Variants in ELAVL3 observed in about 807,000 individuals in gnomAD.
ELAVL3 encodes the protein ELAV like RNA binding protein 3, also known as ELAV-like protein 3.
In ELAVL3, 8 loss-of-function variants were observed where a neutral mutation model predicts 34.2. That is an observed-to-expected ratio of 0.23 (90% CI 0.14 to 0.42). The LOEUF (loss-of-function observed/expected upper bound fraction) is 0.42. Ranked by LOEUF, ELAVL3 falls within the 10% of genes least tolerant of loss-of-function variation. The pLI, the probability that ELAVL3 is intolerant of heterozygous loss-of-function variation, is 1.00. For synonymous variants in ELAVL3, 209 were observed against 222.1 expected (o/e 0.94, Z 0.53); for missense variants, 273 against 518.8 (o/e 0.53, Z 4.60).
intron 3 of ELAVL3, among the ~76,000 whole-genome samples, chr19:11,464,215 T>A (rs978837557): frequency 6.7e-5 from 5 of 74,948 alleles, no homozygotes; most frequent in African/African-American, 2.9e-4. Context: ...GAGGCTGGAG[T>A]GCAGTGGTGA....
rs373500725 is a variant in ELAVL3, at chr19:11,470,495, GT to G, written c.10-3669del. On this transcript the variant is annotated intron_variant, in intron 1 of 6. Coordinates refer to ENST00000359227, the MANE Select transcript of ELAVL3 (RefSeq NM_001420.4). ...AGCCCGACCAACATGGAGAAACCCC[GT>G]TTGCTACTAGAAATACAAAAAAAAA... 9.4e-3 allele frequency among the ~76,000 whole-genome samples: 1,397 copies of G among 148,778 alleles called. 17 individuals carry two copies. The highest frequency in any genetic ancestry group is 0.033 in the African/African-American group (1,317 of 39,882).
chr19:11,469,353 TC>T (rs1971118782), intron 1 of ELAVL3, among the ~76,000 whole-genome samples: 2 of 152,070 alleles, frequency 1.3e-5, no homozygotes, highest in Admixed American at 6.6e-5. Flanking sequence ...CGATCTTGGC[TC>T]CCCCCAAACT....
Position 11,467,449 on chromosome 19 carries a change from G to A in ELAVL3, c.10-622C>T, listed in dbSNP as rs950571794. Among the ~76,000 whole-genome samples, 9 of 150,738 alleles carry A rather than the reference G, an allele frequency of 6.0e-5. No homozygotes were observed. The East Asian group carries it at 1.2e-3, about 19-fold the overall frequency. ...AAAATAAAATAAAATAAATGCTTTC[G>A]CTCTCAGAAAAGTAAATCTAACAGT... On this transcript the variant is annotated intron_variant, in intron 1 of 6. Transcript: ENST00000359227.
intron 1 of ELAVL3, among the ~76,000 whole-genome samples, chr19:11,479,957 C>G (rs903509669): frequency 6.6e-6 from 1 of 151,594 alleles, no homozygotes; most frequent in African/African-American, 2.4e-5. Flanking sequence ...TCTCCCCTCC[C>G]CCTCCCCGCA....
chr19:11,452,543 C>A lies in ELAVL3; in HGVS notation c.*1983G>T, dbSNP rs1364267741. On this transcript the variant is annotated 3_prime_UTR_variant, in exon 7 of 7. Coordinates refer to ENST00000359227, the MANE Select transcript of ELAVL3 (RefSeq NM_001420.4). ...TTTCTTTTTTTGTTGCTTTTTTTTC[C>A]TCTTCTGTTTGTGTTTTTTTGTCGC... is the stretch of plus-strand genomic sequence containing the variant. The A allele has an allele frequency of 3.8e-5, 5 of 130,884 alleles. No individual in the cohort carries two copies. The highest frequency in any genetic ancestry group is 6.5e-5 in the Non-Finnish European group (4 of 61,370). The allele number at this position is 130,884 out of a possible 1,614,324, so 8.1% of individuals were successfully genotyped here.
At chr19:11,464,123 G>GTCTCTCTCTCTCTCTC (rs1165917141) in intron 3 of ELAVL3, among the ~76,000 whole-genome samples, 29 of 110,950 alleles carry the variant, frequency 2.6e-4, no homozygotes, top group African/African-American at 1.2e-3. Context: ...GTCTCTCTCT[G>GTCTCTCTCTCTCTCTC]TCTCTCTCTC....
chr19:11,478,294 A>C (rs989565881), intron 1 of ELAVL3, among the ~76,000 whole-genome samples: 2 of 152,114 alleles, frequency 1.3e-5, no homozygotes, highest in Non-Finnish European at 2.9e-5. Context: ...TAGCCTGCTA[A>C]TCTGGCCACC....
At chr19:11,479,968 G>T (rs1234914505) in intron 1 of ELAVL3, among the ~76,000 whole-genome samples, 1 of 150,278 alleles carries the variant, frequency 6.7e-6, no homozygotes, top group Non-Finnish European at 1.5e-5. Flanking sequence ...CCTCCCCGCA[G>T]CCCGAGGCGC....
chr19:11,467,921 C>T (rs1313731162), intron 1 of ELAVL3, among the ~76,000 whole-genome samples: 1 of 152,158 alleles, frequency 6.6e-6, no homozygotes, highest in Non-Finnish European at 1.5e-5. Flanking sequence ...TCCCAAGTAG[C>T]TGGAACAATA....
intron 1 of ELAVL3, among the ~76,000 whole-genome samples, chr19:11,474,040 T>C (rs115316589): frequency 1.5e-3 from 222 of 152,232 alleles, no homozygotes; most frequent in African/African-American, 5.2e-3. Flanking sequence ...CATTATTTAT[T>C]ATTATTATTA....
rs775326053 is a variant in ELAVL3, at chr19:11,454,862, G to A, written c.768C>T (p.Ile256=). The A allele has an allele frequency of 1.5e-5, 24 of 1,599,820 alleles. No individual in the cohort carries two copies. Among genetic ancestry groups the A allele is most frequent in the African/African-American group, 4.0e-5 (3 of 74,786 alleles). The change falls in exon 7 of 7, where the codon ATC becomes ATT. Residue 256 remains isoleucine (I), a synonymous_variant. Transcript: ENST00000359227. The surrounding 1 kb of genome is among the most constrained non-coding windows in gnomAD (Gnocchi z 9.2). ...CGATGGCGATCGGCGAGAACCTGGC[G>A]ATGAGCGACAGGGGACTACTTTGGG... The part of the protein sequence containing the change: ...AYGVKSPLSL[I]ARFSPIAIDG...
chr19:11,456,745 C>G (rs1259716594), intron 6 of ELAVL3, among the ~76,000 whole-genome samples: 1 of 152,086 alleles, frequency 6.6e-6, no homozygotes, highest in African/African-American at 2.4e-5. Context: ...TTCACTGCAG[C>G]CTCCAACTCC....
intron 3 of ELAVL3, among the ~76,000 whole-genome samples, chr19:11,464,113 G>GTCTC (rs1168224490): frequency 2.6e-5 from 3 of 115,234 alleles, no homozygotes; most frequent in African/African-American, 1.2e-4. Context: ...CTCTCTCTCT[G>GTCTC]TCTCTCTCTG....
intron 3 of ELAVL3, among the ~76,000 whole-genome samples, chr19:11,464,151 C>CTCTATA (rs1215435723): frequency 9.3e-5 from 8 of 86,454 alleles, no homozygotes; most frequent in South Asian, 4.0e-4. Flanking sequence ...CTCTCTCTCT[C>CTCTATA]TATATATATA....
chr19:11,478,700 ACTCT>A (rs898836296), intron 1 of ELAVL3, among the ~76,000 whole-genome samples: 8 of 149,818 alleles, frequency 5.3e-5, no homozygotes, highest in Non-Finnish European at 1.0e-4. Flanking sequence ...TGGCCTCATC[ACTCT>A]CTCTTCCTCT....
At position 11,454,469 on chromosome 19, in the gene ELAVL3, TTCTCTC is replaced by T. The variant is rs35334288; in HGVS notation, c.*51_*56del. 24 of 1,185,428 alleles carry T rather than the reference TTCTCTC, an allele frequency of 2.0e-5. No homozygotes were observed. Among genetic ancestry groups the T allele is most frequent in the Non-Finnish European group, 2.4e-5 (21 of 879,248 alleles). The allele number at this position is 1,185,428 out of a possible 1,614,324, so 73.4% of individuals were successfully genotyped here. ...GCCCCTTCTCTCTCTCTCTCTCTCT[TTCTCTC>T]TCTCTCTCTCTGCTGCCCGGGGAGG... On this transcript the variant is annotated 3_prime_UTR_variant, in exon 7 of 7. Transcript: ENST00000359227. The surrounding 1 kb of genome is among the most constrained non-coding windows in gnomAD (Gnocchi z 9.2).
chr19:11,466,146 G>T lies in ELAVL3; in HGVS notation c.333+26C>A. 6.2e-7 allele frequency: 1 copy of T among 1,606,248 alleles called. No individual in the cohort carries two copies. The highest frequency in any genetic ancestry group is 8.5e-7 in the Non-Finnish European group (1 of 1,173,294). On this transcript the variant is annotated intron_variant, in intron 3 of 6. Transcript: ENST00000359227. This position sits in a 1 kb window ranked among gnomAD's most constrained non-coding sequence, Gnocchi z 5.0. ...ACAGTCAGTTGGGGTGGGCGGTCATGGGGGATTGGAGAAGGAGGCACCAAC... is the reference window on the plus strand; with the variant it reads ...ACAGTCAGTTGGGGTGGGCGGTCATTGGGGATTGGAGAAGGAGGCACCAAC...
rs2144868732 is a variant in ELAVL3 at position 11,452,341 on chromosome 19, G to A, written c.*2185C>T. On this transcript the variant is annotated 3_prime_UTR_variant, in exon 7 of 7. Coordinates refer to ENST00000359227, the MANE Select transcript of ELAVL3 (RefSeq NM_001420.4). ...TCCTTTAACTTGCAAACCGGATGAA[G>A]TAACAGAAATATACACGGATGTCCT... 1.3e-5 allele frequency: 2 copies of A among 152,186 alleles called. No homozygotes were observed. Among genetic ancestry groups the A allele is most frequent in the South Asian group, 4.1e-4 (2 of 4,824 alleles). 9.4% of individuals were successfully genotyped at this position (152,186 alleles called of 1,614,324 possible).
chr19:11,455,048 G>A (rs1243556476), intron 6 of ELAVL3, among the ~76,000 whole-genome samples, 171 bp from the exon 7 acceptor site: 1 of 152,094 alleles, frequency 6.6e-6, no homozygotes, highest in Non-Finnish European at 1.5e-5. Flanking sequence ...ACCCAGGCTG[G>A]AGTGCAGTGG....
Sources: allele counts gnomAD v4.1 joint callset (sites outside exome capture counted in the v4.1 genomes callset), GRCh38; gene constraint gnomAD v4.1.1; non-coding constraint Gnocchi (gnomAD v3.1); transcripts MANE v1.5; gene names NCBI Gene and HGNC (gene_info 2026-07-23, HGNC 2026-07-21).